The following BMPR1A variants were observed in gnomAD, a reference collection of about 807,000 sequenced individuals.
BMPR1A encodes bone morphogenetic protein receptor type-1A.
Under a neutral mutation model 66.0 loss-of-function variants are expected in BMPR1A, and 7 were observed. The ratio of observed to expected loss-of-function variants is 0.11; its 90% CI spans 0.06 to 0.20. The LOEUF (loss-of-function observed/expected upper bound fraction) is 0.20. Among genes scored for constraint, BMPR1A ranks in the 10% least tolerant of loss-of-function variants. The probability of loss-of-function intolerance (pLI) is 1.00; values close to 1 mark genes in which losing one functional copy is unlikely to be tolerated. For missense variants in BMPR1A, 408 were observed against 669.1 expected, an observed-to-expected ratio of 0.61 and a Z score of 4.31; for synonymous variants, 200 against 229.7, an observed-to-expected ratio of 0.87 and a Z score of 1.17.
At chr10:86,777,600 T>C (rs1302259787) in intron 1 of BMPR1A, among the ~76,000 whole-genome samples, 1 of 152,006 alleles carries the variant, frequency 6.6e-6, no homozygotes, top group East Asian at 1.9e-4. Context: ...AAAAAGAACA[T>C]GTATTTACCC....
intron 2 of BMPR1A, among the ~76,000 whole-genome samples, chr10:86,853,886 T>G (rs904877787): frequency 1.3e-5 from 2 of 152,256 alleles, no homozygotes; most frequent in East Asian, 1.9e-4. Context: ...CTAATGAAGT[T>G]TCGGGCACCA....
chr10:86,877,981 T>C (rs1842940757), intron 3 of BMPR1A, among the ~76,000 whole-genome samples: 1 of 152,216 alleles, frequency 6.6e-6, no homozygotes, highest in African/African-American at 2.4e-5. Context: ...GAATTACATT[T>C]CTCTGATAAA....
At position 86,877,157 on chromosome 10, in the gene BMPR1A, C is replaced by A. The variant is rs141064913; in HGVS notation, c.67+1072C>A. Among the ~76,000 whole-genome samples the A allele has an allele frequency of 2.3e-3, 348 of 151,660 alleles. 1 individual carries two copies. The highest frequency in any genetic ancestry group is 8.0e-3 in the African/African-American group (332 of 41,364). ...TGATCACAGTGATCTGGATTAATAT[C>A]TGCTGTTAAGAAGAAACATGATTAA... On this transcript the variant is annotated intron_variant, in intron 3 of 12. Transcript: ENST00000372037.
chr10:86,803,265 GAGAC>G (rs1841838760), intron 1 of BMPR1A, among the ~76,000 whole-genome samples: 1 of 152,132 alleles, frequency 6.6e-6, no homozygotes, highest in Admixed American at 6.6e-5. Context: ...TTTTTATAAA[GAGAC>G]AGCATCTCAC....
At position 86,875,718 on chromosome 10, in the gene BMPR1A, T is replaced by TA. The variant is rs979565563; in HGVS notation, c.-152-137dup. 0.08 allele frequency: 28,679 copies of TA among 359,570 alleles called. 187 individuals carry two copies. The highest frequency in any genetic ancestry group is 0.11 in the African/African-American group (4,953 of 46,338). 22.3% of individuals were successfully genotyped at this position (359,570 alleles called of 1,614,324 possible). ...ATTTGAAGTTTGAAATTATAGTGCC[T>TA]AAAAAAAAAAAAGCAAGGATACCTT... is the stretch of plus-strand genomic sequence containing the variant. On this transcript the variant is annotated intron_variant, in intron 2 of 12. Transcript: ENST00000372037.
chr10:86,792,055 T>A (rs867734321), intron 1 of BMPR1A, among the ~76,000 whole-genome samples: 7 of 147,102 alleles, frequency 4.8e-5, no homozygotes, highest in Middle Eastern at 3.5e-3. Flanking sequence ...TGTTAATTAC[T>A]GTCAGATCTT....
chr10:86,904,466 A>G (rs1350013548), intron 7 of BMPR1A, among the ~76,000 whole-genome samples: 3 of 152,220 alleles, frequency 2.0e-5, no homozygotes, highest in Admixed American at 2.0e-4. Context: ...GCCCAAAGAA[A>G]AACATCACAG....
At chr10:86,905,769 T>C (rs182100084) in intron 7 of BMPR1A, among the ~76,000 whole-genome samples, 329 of 151,254 alleles carry the variant, frequency 2.2e-3, no homozygotes, top group African/African-American at 7.6e-3. Flanking sequence ...AGTAGTTAAA[T>C]AGTAAGAATT....
At chr10:86,795,627 T>G (rs558676613) in intron 1 of BMPR1A, among the ~76,000 whole-genome samples, 176 of 152,302 alleles carry the variant, frequency 1.2e-3, no homozygotes, top group Admixed American at 3.7e-3. Flanking sequence ...TTTGCCACTA[T>G]GTCTTCAACC....
chr10:86,851,676 C>G (rs1842569856), intron 2 of BMPR1A, among the ~76,000 whole-genome samples: 1 of 152,170 alleles, frequency 6.6e-6, no homozygotes, highest in Non-Finnish European at 1.5e-5. Flanking sequence ...ATTGTAGTTA[C>G]TCTGGCAAAG....
intron 1 of BMPR1A, among the ~76,000 whole-genome samples, chr10:86,835,259 AAAAAC>A (rs1374465301): frequency 6.6e-6 from 1 of 150,628 alleles, no homozygotes; most frequent in Non-Finnish European, 1.5e-5. Context: ...GAAAAAAAAA[AAAAAC>A]AGAAAAAAAA....
chr10:86,820,805 T>C (rs897167062), intron 1 of BMPR1A, among the ~76,000 whole-genome samples: 1 of 152,218 alleles, frequency 6.6e-6, no homozygotes, highest in African/African-American at 2.4e-5. Context: ...GCAACCCCAA[T>C]AGCAGATTTA....
intron 3 of BMPR1A, among the ~76,000 whole-genome samples, chr10:86,883,015 T>C (rs1198072163): frequency 1.3e-5 from 2 of 152,048 alleles, no homozygotes; most frequent in Non-Finnish European, 2.9e-5. Context: ...AAAATACTTA[T>C]TTCAAGCATA....
chr10:86,919,444 C>T lies in BMPR1A; in HGVS notation c.1141C>T (p.Leu381=), dbSNP rs864622566. The change falls in exon 10 of 13, where the codon CTG becomes TTG. Residue 381 remains leucine (L), a synonymous_variant. Coordinates refer to ENST00000372037, the MANE Select transcript of BMPR1A (RefSeq NM_004329.3). ...KKNGSCCIAD[L]GLAVKFNSDT... ...AAATGGGAGTTGCTGCATTGCTGAC[C>T]TGGGCCTTGCTGTTAAATTCAACAG... is the stretch of plus-strand genomic sequence containing the variant. 6.2e-7 allele frequency: 1 copy of T among 1,613,426 alleles called. No homozygotes were observed. Among genetic ancestry groups the T allele is most frequent in the Non-Finnish European group, 8.5e-7 (1 of 1,179,858 alleles).
chr10:86,913,120 T>G (rs117034313), intron 8 of BMPR1A, among the ~76,000 whole-genome samples: 9,411 of 152,000 alleles, frequency 0.062, 415 homozygotes, highest in Non-Finnish European at 0.081. Flanking sequence ...TATTTTATTT[T>G]ACTTTATTTT....
rs553485620 is a variant in BMPR1A at position 86,924,260 on chromosome 10, C to T, written c.*541C>T. 3.7e-5 allele frequency: 9 copies of T among 240,910 alleles called. No homozygotes were observed. In the South Asian group the frequency reaches 4.7e-4, roughly 13 times the overall value. The allele number at this position is 240,910 out of a possible 1,614,324, so 14.9% of individuals were successfully genotyped here. On this transcript the variant is annotated 3_prime_UTR_variant, in exon 13 of 13. Coordinates refer to ENST00000372037, the MANE Select transcript of BMPR1A (RefSeq NM_004329.3). Reference sequence around the variant, plus strand: ...GTGTGTGTGTCTCCATGCACATGCACGCCGGGATTCCTCTGCTGCCATTTG... The same window carrying T: ...GTGTGTGTGTCTCCATGCACATGCATGCCGGGATTCCTCTGCTGCCATTTG...
chr10:86,870,529 C>T (rs1842842330), intron 2 of BMPR1A, among the ~76,000 whole-genome samples: 2 of 152,012 alleles, frequency 1.3e-5, no homozygotes, highest in South Asian at 4.2e-4. Flanking sequence ...CTGAAGAGAT[C>T]CTCCCACCTC....
intron 7 of BMPR1A, among the ~76,000 whole-genome samples, chr10:86,906,766 T>A (rs950317970): frequency 3.3e-5 from 4 of 121,564 alleles, no homozygotes; most frequent in Non-Finnish European, 3.9e-5. Flanking sequence ...AAAAAAACAC[T>A]TTGTCCTTTT....
intron 2 of BMPR1A, among the ~76,000 whole-genome samples, chr10:86,869,572 C>CATG (rs1173634571): frequency 6.6e-6 from 1 of 151,146 alleles, no homozygotes; most frequent in Non-Finnish European, 1.5e-5. Flanking sequence ...GCCTGACCAA[C>CATG]ATGGAGAAAC....
Sources: gnomAD v4.1 joint callset for allele counts (sites outside exome capture counted in the v4.1 genomes callset) on GRCh38, gnomAD v4.1.1 for gene constraint, MANE v1.5 for transcripts, NCBI Gene and HGNC (gene_info 2026-07-23, HGNC 2026-07-21) for gene names.